DCLRE1A: variants seen among roughly 807,000 people sequenced by gnomAD.
DCLRE1A encodes the protein DNA cross-link repair 1A protein.
DCLRE1A carries 64 observed loss-of-function variants against 91.9 expected under a neutral mutation model. The observed-to-expected ratio is 0.70, with a 90% CI of 0.57 to 0.86. The LOEUF (loss-of-function observed/expected upper bound fraction) is 0.86, where lower values mean the gene tolerates loss of function less well. Among genes scored for constraint, DCLRE1A ranks in the 40% least tolerant of loss-of-function variants. The probability of loss-of-function intolerance (pLI) is 0.00; values close to 1 mark genes in which losing one functional copy is unlikely to be tolerated. For missense variants in DCLRE1A, 1,145 were observed against 1,213.3 expected (o/e 0.94, Z 0.84); for synonymous variants, 416 against 431.1 (o/e 0.96, Z 0.43).
At position 113,834,939 on chromosome 10, in the gene DCLRE1A, G is replaced by A; in HGVS notation, c.*213C>T. 2.0e-6 allele frequency: 1 copy of A among 495,390 alleles called. No individual in the cohort carries two copies. The highest frequency in any genetic ancestry group is 3.0e-5 in the South Asian group (1 of 33,678). The allele number at this position is 495,390 out of a possible 1,614,324, so 30.7% of individuals were successfully genotyped here. On this transcript the variant is annotated 3_prime_UTR_variant, in exon 9 of 9. Transcript: ENST00000361384. ...GAGGGCAGGGGACAAGAAATTAAGG[G>A]TCCCAGGGAGACCCAGTTTCAGTTA...
Position 113,841,487 on chromosome 10 carries a change from T to G in DCLRE1A, c.2739A>C (p.Ile913=). 6.2e-7 allele frequency: 1 copy of G among 1,613,626 alleles called. No individual in the cohort carries two copies. Among genetic ancestry groups the G allele is most frequent in the Non-Finnish European group, 8.5e-7 (1 of 1,179,768 alleles). ...TAGTGATGAGTGAATTAATTTCTGGTATATTGAGGCACTGTAGAGTTTTAT... is the reference window on the plus strand; with the variant it reads ...TAGTGATGAGTGAATTAATTTCTGGGATATTGAGGCACTGTAGAGTTTTAT... ...EKYKTLQCLN[I]PEINSLITTD... is the part of the protein sequence containing the mutation. The change falls in exon 7 of 9, where the codon ATA becomes ATC. Residue 913 remains isoleucine, a synonymous_variant. Transcript: ENST00000361384.
At chr10:113,840,144 A>G (rs1456900185) in intron 7 of DCLRE1A, among the ~76,000 whole-genome samples, 1 of 151,958 alleles carries the variant, frequency 6.6e-6, no homozygotes, top group South Asian at 2.1e-4. Flanking sequence ...AAATACAAAA[A>G]TTAACCGGAC....
In DCLRE1A at chr10:113,849,422, C is replaced by T. The variant is rs1564845056; in HGVS notation, c.1683G>A (p.Val561=). 2.2e-5 allele frequency: 36 copies of T among 1,614,054 alleles called. No homozygotes were observed. Among genetic ancestry groups the T allele is most frequent in the Non-Finnish European group, 3.1e-5 (36 of 1,179,974 alleles). ...TTCTTTTGGGAGGTAGTCCAAAATA[C>T]ACACCTATATCCATTTGCTTCATTA... ...TKVMKQMDIG[V]YFGLPPKRKE... is the part of the protein sequence containing the mutation. The change falls in exon 2 of 9, where the codon GTG becomes GTA. Residue 561 remains valine, a synonymous_variant. Coordinates refer to ENST00000361384, the MANE Select transcript of DCLRE1A (RefSeq NM_014881.5).
At position 113,845,772 on chromosome 10, in the gene DCLRE1A, T is replaced by G. The variant is rs35884667; in HGVS notation, c.2291A>C (p.His764Pro). Reference protein sequence around the residue: ...ITGNLLKNKLHVQEQYIHPLP... With the variant: ...ITGNLLKNKLPVQEQYIHPLP... ...TGGGTGAATATATTGTTCTTGCACA[T>G]GAAGCTTGTTCTTCAACAAATTGCC... is the stretch of plus-strand genomic sequence containing the variant. The change falls in exon 4 of 9, where the codon CAT becomes CCT. Residue 764 changes from histidine to proline, a missense_variant. Physicochemically the swap from His to Pro is moderately conservative, Grantham distance 77. Transcript: ENST00000361384. 1 of 1,614,166 alleles carries G rather than the reference T, an allele frequency of 6.2e-7. No individual in the cohort carries two copies. Among genetic ancestry groups the G allele is most frequent in the Admixed American group, 1.7e-5 (1 of 60,026 alleles).
rs748526645 is a variant in DCLRE1A, at chr10:113,849,072, C to T, written c.2033G>A (p.Gly678Asp). ...TTTCTTGTTGCCCCTTTGCAGCCCACCATGAGCTGATTTTGTGAAGACTTT... is the reference window on the plus strand; with the variant it reads ...TTTCTTGTTGCCCCTTTGCAGCCCATCATGAGCTGATTTTGTGAAGACTTT... ...KVKVFTKSAH[G>D]GLQRGNKKIP... The change falls in exon 2 of 9, where the codon GGT (glycine) becomes GAT (aspartate). Residue 678 changes from glycine (G) to aspartate (D), a missense_variant. Transcript: ENST00000361384. 6.2e-6 allele frequency: 10 copies of T among 1,614,008 alleles called. No homozygotes were observed. Among genetic ancestry groups the T allele is most frequent in the Non-Finnish European group, 8.5e-6 (10 of 1,180,028 alleles).
intron 2 of DCLRE1A, among the ~76,000 whole-genome samples, chr10:113,847,573 T>A (rs531399036): frequency 0.032 from 539 of 16,600 alleles, 4 homozygotes; most frequent in African/African-American, 0.045. Context: ...CCAAAAAAAA[T>A]TTTTTTAAAT....
rs761761851 is a variant in DCLRE1A, at chr10:113,849,455, A to G, written c.1650T>C (p.Ser550=). The G allele has an allele frequency of 3.1e-6, 5 of 1,614,112 alleles. No individual in the cohort carries two copies. The highest frequency in any genetic ancestry group is 3.4e-6 in the Non-Finnish European group (4 of 1,180,004). The change falls in exon 2 of 9, where the codon TCT becomes TCC. Residue 550 remains serine, a synonymous_variant. Coordinates refer to ENST00000361384, the MANE Select transcript of DCLRE1A (RefSeq NM_014881.5). Reference sequence around the variant, plus strand: ...TATCCATTTGCTTCATTACCTTGGTAGAAGGATGTCTTGCATTATACTTAA... The same window carrying G: ...TATCCATTTGCTTCATTACCTTGGTGGAAGGATGTCTTGCATTATACTTAA... ...SGLKYNARHP[S]TKVMKQMDIG...
At chr10:113,842,519 A>T in intron 5 of DCLRE1A, 31 bp from the exon 6 acceptor site, 1 of 1,596,598 alleles carries the variant, frequency 6.3e-7, no homozygotes, top group Non-Finnish European at 8.5e-7. Flanking sequence ...ACTTACTAAA[A>T]GAACAATAAA....
intron 3 of DCLRE1A, among the ~76,000 whole-genome samples, chr10:113,846,541 G>A (rs1280090948): frequency 6.6e-6 from 1 of 152,002 alleles, no homozygotes; most frequent in East Asian, 1.9e-4. Context: ...ATCCCAATAT[G>A]GCATTATTTA....
In DCLRE1A at chr10:113,841,375, A is replaced by T. The variant is rs17235213; in HGVS notation, c.2820+31T>A. The T allele has an allele frequency of 1.0e-3, 1,616 of 1,593,338 alleles. 14 individuals are homozygous for T. The African/African-American group carries it at 0.018, about 18-fold the overall frequency. On this transcript the variant is annotated intron_variant, in intron 7 of 8. Coordinates refer to ENST00000361384, the MANE Select transcript of DCLRE1A (RefSeq NM_014881.5). ...AATAATCAGATTACCTTTTTTGTTC[A>T]TCCTAAAAGACATATCTCTTGAATG...
At chr10:113,847,151 T>C (rs1168076171) in intron 3 of DCLRE1A, 51 bp downstream of exon 3, 5 of 1,460,322 alleles carry the variant, frequency 3.4e-6, no homozygotes, top group African/African-American at 1.4e-5. Context: ...CCAAATTGCT[T>C]AGAAATTCAC....
At chr10:113,842,143 T>C (rs1845454831) in intron 6 of DCLRE1A, among the ~76,000 whole-genome samples, 200 bp downstream of exon 6, 1 of 152,206 alleles carries the variant, frequency 6.6e-6, no homozygotes, top group Non-Finnish European at 1.5e-5. Context: ...TAAACACAAT[T>C]ATCAAATGTT....
Position 113,835,002 on chromosome 10 carries a change from ATGT to A in DCLRE1A, c.*147_*149del. 1 of 824,704 alleles carries A rather than the reference ATGT, an allele frequency of 1.2e-6. No individual in the cohort carries two copies. The highest frequency in any genetic ancestry group is 1.9e-6 in the Non-Finnish European group (1 of 538,604). The allele number at this position is 824,704 out of a possible 1,614,324, so 51.1% of individuals were successfully genotyped here. On this transcript the variant is annotated 3_prime_UTR_variant, in exon 9 of 9. Coordinates refer to ENST00000361384, the MANE Select transcript of DCLRE1A (RefSeq NM_014881.5). ...CTGAGAGGCATTCAGCACCACGAAC[ATGT>A]TGTTCAAACATAAATGAGAAAATAA...
At position 113,849,177 on chromosome 10, in the gene DCLRE1A, G is replaced by A. The variant is rs779544665; in HGVS notation, c.1928C>T (p.Ser643Leu). 53 of 1,613,852 alleles carry A rather than the reference G, an allele frequency of 3.3e-5. No individual in the cohort carries two copies. In the Admixed American group the frequency reaches 8.8e-4, roughly 27 times the overall value. ...CTTCTGACACGCTCCTTCCTGCAGT[G>A]AATTTGACTTTCTACATCTCTTTTT... ...RQKKRCRKSN[S>L]LQEGACQKRS... is the part of the protein sequence containing the mutation. Residue 643 changes from serine to leucine, a missense_variant, in exon 2 of 9, where the codon TCA becomes TTA. By Grantham distance (145) the Ser-to-Leu change is moderately radical (BLOSUM62 -2). Transcript: ENST00000361384.
intron 4 of DCLRE1A, among the ~76,000 whole-genome samples, chr10:113,844,966 G>A (rs1030419249): frequency 2.0e-5 from 3 of 150,982 alleles, no homozygotes; most frequent in Admixed American, 1.3e-4. Flanking sequence ...ATTCAAACTG[G>A]CAATTAAAAA....
chr10:113,849,052 T>G lies in DCLRE1A; in HGVS notation c.2053A>C (p.Lys685Gln). The G allele has an allele frequency of 1.2e-6, 2 of 1,614,190 alleles. No homozygotes were observed. The highest frequency in any genetic ancestry group is 1.7e-6 in the Non-Finnish European group (2 of 1,180,024). ...ACATTAGATGACTCTGGGATTTTCT[T>G]GTTGCCCCTTTGCAGCCCACCATGA... Reference protein sequence around the residue: ...SAHGGLQRGNKKIPESSNVGG... With the variant: ...SAHGGLQRGNQKIPESSNVGG... Residue 685 changes from lysine (K) to glutamine (Q), a missense_variant, in exon 2 of 9, where the codon AAG becomes CAG. Lys to Gln is a moderately conservative substitution (Grantham distance 53). Transcript: ENST00000361384.
intron 5 of DCLRE1A, among the ~76,000 whole-genome samples, chr10:113,842,782 A>G (rs768183976): frequency 2.0e-5 from 3 of 152,124 alleles, no homozygotes; most frequent in Non-Finnish European, 2.9e-5. Context: ...CAAGCCAGCT[A>G]TTTTAGTTAT....
Position 113,834,923 on chromosome 10 carries a change from G to C in DCLRE1A, c.*229C>G, listed in dbSNP as rs1305689916. On this transcript the variant is annotated 3_prime_UTR_variant, in exon 9 of 9. Coordinates refer to ENST00000361384, the MANE Select transcript of DCLRE1A (RefSeq NM_014881.5). Reference sequence around the variant, plus strand: ...AATATAACTGCCCATGGAGGGCAGGGGACAAGAAATTAAGGGTCCCAGGGA... The same window carrying C: ...AATATAACTGCCCATGGAGGGCAGGCGACAAGAAATTAAGGGTCCCAGGGA... The C allele has an allele frequency of 2.5e-6, 1 of 404,216 alleles. No individual in the cohort carries two copies. The highest frequency in any genetic ancestry group is 4.3e-5 in the Admixed American group (1 of 23,524). 25.0% of individuals were successfully genotyped at this position (404,216 alleles called of 1,614,324 possible).
rs1208694324 is a variant in DCLRE1A, at chr10:113,835,053, G to A, written c.*99C>T. 3.3e-6 allele frequency: 4 copies of A among 1,210,382 alleles called. No homozygotes were observed. The highest frequency in any genetic ancestry group is 4.6e-6 in the Non-Finnish European group (4 of 863,566). The allele number at this position is 1,210,382 out of a possible 1,614,324, so 75.0% of individuals were successfully genotyped here. A position where few individuals can be genotyped will look rare whatever the true frequency, so the allele number is the denominator to read the frequency against. ...TAAAGTATCTGAACAATCTTCATGAGGTTTTTCCACACAAAGTGTATTTCA... is the reference window on the plus strand; with the variant it reads ...TAAAGTATCTGAACAATCTTCATGAAGTTTTTCCACACAAAGTGTATTTCA... On this transcript the variant is annotated 3_prime_UTR_variant, in exon 9 of 9. Transcript: ENST00000361384.
Sources: gnomAD v4.1 joint callset for allele counts (sites outside exome capture counted in the v4.1 genomes callset) on GRCh38, gnomAD v4.1.1 for gene constraint, MANE v1.5 for transcripts, NCBI Gene and HGNC (gene_info 2026-07-23, HGNC 2026-07-21) for gene names.